NLRP9: variants seen among roughly 807,000 people sequenced by gnomAD.
NLRP9 encodes NACHT, LRR and PYD domains-containing protein 9.
A neutral mutation model predicts 83.1 loss-of-function variants in NLRP9; 88 were observed. The observed-to-expected ratio is 1.06, with a 90% CI of 0.89 to 1.26. The LOEUF is 1.26. Among genes scored for constraint, NLRP9 ranks in the 50% most tolerant of loss-of-function variants. The probability of loss-of-function intolerance (pLI) is 0.00; values close to 1 mark genes in which losing one functional copy is unlikely to be tolerated. For synonymous variants in NLRP9, 521 were observed against 447.6 expected (o/e 1.16, Z -2.07); for missense variants, 1,308 against 1,179.3 (o/e 1.11, Z -1.60).
chr19:55,731,415 G>A (rs572768611), intron 2 of NLRP9, among the ~76,000 whole-genome samples: 42 of 151,716 alleles, frequency 2.8e-4, no homozygotes, highest in Middle Eastern at 6.8e-3. Context: ...AGGAAGGAAC[G>A]GAGGGAGGGA....
chr19:55,715,973 A>G (rs1987994137), intron 5 of NLRP9, among the ~76,000 whole-genome samples: 1 of 152,266 alleles, frequency 6.6e-6, no homozygotes, highest in Non-Finnish European at 1.5e-5. Context: ...GTCACAAAAA[A>G]ATAAAATGCT....
chr19:55,718,293 T>TC (rs1009255766), intron 4 of NLRP9, among the ~76,000 whole-genome samples: 1 of 151,868 alleles, frequency 6.6e-6, no homozygotes, highest in African/African-American at 2.4e-5. Context: ...GACTTTACCA[T>TC]CCCCCAACCC....
At chr19:55,711,725 C>T in intron 8 of NLRP9, 75 bp downstream of exon 8, 13 of 1,423,682 alleles carry the variant, frequency 9.1e-6, no homozygotes, top group South Asian at 1.2e-5. Flanking sequence ...TCCATCATGT[C>T]GCGGTTGAGC....
At chr19:55,724,844 G>T (rs2122313196) in intron 3 of NLRP9, among the ~76,000 whole-genome samples, 1 of 152,252 alleles carries the variant, frequency 6.6e-6, no homozygotes, top group South Asian at 2.1e-4. Context: ...GATCACATGA[G>T]GTCAGGAGTT....
intron 8 of NLRP9, 76 bp downstream of exon 8, chr19:55,711,724 T>C: frequency 7.0e-7 from 1 of 1,418,934 alleles, no homozygotes; most frequent in Non-Finnish European, 9.8e-7. Flanking sequence ...ATCCATCATG[T>C]CGCGGTTGAG....
At position 55,712,438 on chromosome 19, in the gene NLRP9, C is replaced by G; in HGVS notation, c.2654G>C (p.Cys885Ser). 6.2e-7 allele frequency: 1 copy of G among 1,612,580 alleles called. No homozygotes were observed. Among genetic ancestry groups the G allele is most frequent in the Non-Finnish European group, 8.5e-7 (1 of 1,179,638 alleles). The change falls in exon 7 of 9, where the codon TGT becomes TCT. Residue 885 changes from cysteine to serine, a missense_variant. Transcript: ENST00000332836. ...QLCAALQHPH[C>S]KLECLGLQTC... is the part of the protein sequence containing the mutation. ...TACTCACCCGAGACACTCTAATTTACAGTGAGGATGCTGCAAAGCTGCACA... is the reference window on the plus strand; with the variant it reads ...TACTCACCCGAGACACTCTAATTTAGAGTGAGGATGCTGCAAAGCTGCACA...
intron 1 of NLRP9, among the ~76,000 whole-genome samples, chr19:55,734,283 G>C (rs1189604051): frequency 2.9e-5 from 4 of 135,596 alleles, no homozygotes; most frequent in African/African-American, 1.1e-4. Context: ...AGAATTGCTT[G>C]AACCTAGGAA....
intron 1 of NLRP9, among the ~76,000 whole-genome samples, chr19:55,733,985 G>C (rs111565558): frequency 0.024 from 3,446 of 144,086 alleles, 101 homozygotes; most frequent in African/African-American, 0.07. Flanking sequence ...TGCAGTGGCG[G>C]GATCTCGGCT....
At position 55,716,838 on chromosome 19, in the gene NLRP9, G is replaced by A; in HGVS notation, c.2220C>T (p.Cys740=). The A allele has an allele frequency of 6.2e-7, 1 of 1,613,864 alleles. No homozygotes were observed. Among genetic ancestry groups the A allele is most frequent in the Admixed American group, 1.7e-5 (1 of 59,998 alleles). ...VCEDIASVLA[C]NSKLKHLSLV... is the part of the protein sequence containing the mutation. ...AGGAGAGGTGTTTCAGCTTGCTGTT[G>A]CAGGCCAGGACGGAGGCGATGTCTT... Residue 740 remains cysteine, a synonymous_variant, in exon 5 of 9, where the codon TGC becomes TGT. Transcript: ENST00000332836.
Position 55,732,968 on chromosome 19 carries a change from C to T in NLRP9, c.863G>A (p.Arg288Gln), listed in dbSNP as rs1201633109. The change falls in exon 2 of 9, where the codon CGG becomes CAG. Residue 288 changes from arginine to glutamine, a missense_variant. Transcript: ENST00000332836. ...LAMQKHYFMLRHPKLIKLLGF... is the reference protein window; with the variant it reads ...LAMQKHYFMLQHPKLIKLLGF... Reference sequence around the variant, plus strand: ...TAAGAGCTTTATGAGTTTTGGATGCCGCAACATAAAATAGTGTTTTTGCAT... The same window carrying T: ...TAAGAGCTTTATGAGTTTTGGATGCTGCAACATAAAATAGTGTTTTTGCAT... 3.1e-6 allele frequency: 5 copies of T among 1,613,890 alleles called. No homozygotes were observed. The highest frequency in any genetic ancestry group is 2.2e-5 in the East Asian group (1 of 44,900).
chr19:55,735,841 C>G (rs1033121005), intron 1 of NLRP9, among the ~76,000 whole-genome samples: 2 of 151,870 alleles, frequency 1.3e-5, no homozygotes, highest in African/African-American at 4.8e-5. Context: ...GCGTGCACCA[C>G]CACGCCTGGG....
At chr19:55,711,172 T>C (rs964505546) in intron 8 of NLRP9, among the ~76,000 whole-genome samples, 5 of 151,940 alleles carry the variant, frequency 3.3e-5, no homozygotes, top group Non-Finnish European at 5.9e-5. Context: ...AATGAATTCA[T>C]GTACTCATCA....
rs762991937 is a variant in NLRP9 at position 55,733,231 on chromosome 19, C to T, written c.600G>A (p.Glu200=). Reference sequence around the variant, plus strand: ...ACTCCGGCCAGTCCCTAGAGAGGAGCTCCAGTAAGCTGGTCTCTGCGATAC... The same window carrying T: ...ACTCCGGCCAGTCCCTAGAGAGGAGTTCCAGTAAGCTGGTCTCTGCGATAC... ...MNGIAETSLL[E]LLSRDWPESS... The change falls in exon 2 of 9, where the codon GAG becomes GAA. Residue 200 remains glutamate, a synonymous_variant. Coordinates refer to ENST00000332836, the MANE Select transcript of NLRP9 (RefSeq NM_176820.4). The T allele has an allele frequency of 1.2e-6, 2 of 1,613,782 alleles. No homozygotes were observed. The highest frequency in any genetic ancestry group is 1.7e-5 in the Admixed American group (1 of 59,978).
chr19:55,734,865 C>T (rs1988744104), intron 1 of NLRP9, among the ~76,000 whole-genome samples: 1 of 151,968 alleles, frequency 6.6e-6, no homozygotes, highest in Non-Finnish European at 1.5e-5. Flanking sequence ...GAACTCTTGA[C>T]CTCAGGTGAT....
intron 8 of NLRP9, among the ~76,000 whole-genome samples, chr19:55,711,075 G>A (rs1987692833): frequency 7.0e-6 from 1 of 143,100 alleles, no homozygotes; most frequent in African/African-American, 2.7e-5. Context: ...GACAGAGCAA[G>A]ACTCTGCCTC....
At position 55,715,063 on chromosome 19, in the gene NLRP9, C is replaced by G; in HGVS notation, c.2493G>C (p.Arg831=). 1 of 1,610,342 alleles carries G rather than the reference C, an allele frequency of 6.2e-7. No individual in the cohort carries two copies. Among genetic ancestry groups the G allele is most frequent in the South Asian group, 1.1e-5 (1 of 90,540 alleles). The change falls in exon 6 of 9, where the codon CGG becomes CGC. Residue 831 remains arginine, a synonymous_variant. Coordinates refer to ENST00000332836, the MANE Select transcript of NLRP9 (RefSeq NM_176820.4). ...AALKHPGCSI[R]ELWLMGCFLT... is the part of the protein sequence containing the mutation. ...ATCATGGCCGGTCCTACCACAGCTC[C>G]CGTATGCTGCAGCCTGGGTGCTTCA...
chr19:55,710,832 T>C (rs1041381197), intron 8 of NLRP9, among the ~76,000 whole-genome samples: 2 of 152,156 alleles, frequency 1.3e-5, no homozygotes, highest in Non-Finnish European at 2.9e-5. Context: ...ACGCTTGTAA[T>C]CCCAGCTCTT....
chr19:55,713,553 G>A (rs1454260632), intron 6 of NLRP9, among the ~76,000 whole-genome samples: 2 of 119,034 alleles, frequency 1.7e-5, no homozygotes, highest in African/African-American at 3.2e-5. Context: ...CACGCCAGGA[G>A]AGAAAGTGCC....
rs546756877 is a variant in NLRP9, at chr19:55,713,436, ATATG to A, written c.2502-850_2502-847del. 1.7e-4 allele frequency among the ~76,000 whole-genome samples: 26 copies of A among 151,766 alleles called. No individual in the cohort carries two copies. The East Asian group carries it at 4.3e-3, about 25-fold the overall frequency. ...CGTGTCTACCCACACTCACACATAT[ATATG>A]TATGTGTCTGATGTATGTACTTGTG... On this transcript the variant is annotated intron_variant, in intron 6 of 8. Transcript: ENST00000332836.
Sources: gnomAD v4.1 joint callset for allele counts (sites outside exome capture counted in the v4.1 genomes callset) on GRCh38, gnomAD v4.1.1 for gene constraint, MANE v1.5 for transcripts, NCBI Gene and HGNC (gene_info 2026-07-23, HGNC 2026-07-21) for gene names.